INPP4B: variants seen among roughly 807,000 people sequenced by gnomAD.
INPP4B encodes inositol polyphosphate-4-phosphatase type II B, also known as inositol polyphosphate 4-phosphatase type II.
In INPP4B, 55 loss-of-function variants were observed where a neutral mutation model predicts 122.5. The observed-to-expected ratio is 0.45, with a 90% confidence interval of 0.36 to 0.56. The LOEUF (loss-of-function observed/expected upper bound fraction) is 0.56. Ranked by LOEUF, INPP4B falls within the 20% of genes least tolerant of loss-of-function variation. The probability of loss-of-function intolerance (pLI) is 0.00; values close to 1 mark genes in which losing one functional copy is unlikely to be tolerated. For synonymous variants in INPP4B, 403 were observed against 388.7 expected (o/e 1.04, Z -0.43); for missense variants, 1,000 against 1,097.7 (o/e 0.91, Z 1.26).
At chr4:142,276,719 C>A (rs76167230) in intron 9 of INPP4B, among the ~76,000 whole-genome samples, 2 of 151,770 alleles carry the variant, frequency 1.3e-5, no homozygotes, top group Non-Finnish European at 2.9e-5. Context: ...AAGAGCATGA[C>A]GTAGAAATGT....
chr4:142,656,042 AG>A (rs1754064825), intron 2 of INPP4B, among the ~76,000 whole-genome samples: 1 of 152,200 alleles, frequency 6.6e-6, no homozygotes, highest in Admixed American at 6.5e-5. Context: ...GCCAGGTGGG[AG>A]GGGGTCCCTG....
intron 2 of INPP4B, among the ~76,000 whole-genome samples, chr4:142,678,730 A>AT (rs1758164960): frequency 1.3e-5 from 2 of 151,920 alleles, no homozygotes; most frequent in African/African-American, 4.8e-5. Context: ...TGCTAGAAAG[A>AT]TTGTCCTCAA....
chr4:142,735,999 T>C (rs1412588463), intron 1 of INPP4B, among the ~76,000 whole-genome samples: 1 of 151,548 alleles, frequency 6.6e-6, no homozygotes, highest in Non-Finnish European at 1.5e-5. Context: ...GCATTTTAGG[T>C]ATTTTATTAC....
upstream of INPP4B, among the ~76,000 whole-genome samples, chr4:142,846,532 G>C (rs1339198806): frequency 1.3e-5 from 2 of 152,236 alleles, no homozygotes; most frequent in East Asian, 3.9e-4. The surrounding 1 kb of genome is among the most constrained non-coding windows in gnomAD (Gnocchi z 5.1). Flanking sequence ...CTGGCTCTCC[G>C]GCTGCTCACA....
At chr4:142,466,765 G>A (rs1002755274) in intron 2 of INPP4B, among the ~76,000 whole-genome samples, 2 of 152,176 alleles carry the variant, frequency 1.3e-5, no homozygotes, top group Non-Finnish European at 2.9e-5. Flanking sequence ...AGGCCTAGGA[G>A]GAAAGAATAG....
intron 9 of INPP4B, among the ~76,000 whole-genome samples, chr4:142,301,975 T>C (rs948104242): frequency 6.6e-6 from 1 of 152,210 alleles, no homozygotes; most frequent in African/African-American, 2.4e-5. Flanking sequence ...TATTTAACTT[T>C]TATATTCATC....
chr4:142,074,083 G>T (rs1016644917), intron 25 of INPP4B, among the ~76,000 whole-genome samples: 2 of 151,932 alleles, frequency 1.3e-5, no homozygotes, highest in Non-Finnish European at 2.9e-5. Flanking sequence ...GGATGCTCCT[G>T]TCTTATTCCA....
intron 11 of INPP4B, among the ~76,000 whole-genome samples, chr4:142,260,231 G>T (rs981985031): frequency 6.6e-6 from 1 of 152,056 alleles, no homozygotes; most frequent in Non-Finnish European, 1.5e-5. Context: ...TGATCCGCCC[G>T]CCTCGGCCTC....
Position 142,235,913 on chromosome 4 carries a change from G to A in INPP4B, c.836+1951C>T, listed in dbSNP as rs574687654. Among the ~76,000 whole-genome samples the A allele has an allele frequency of 4.9e-4, 75 of 152,250 alleles. 1 individual carries two copies. The highest frequency in any genetic ancestry group is 6.8e-3 in the Middle Eastern group (2 of 294). On this transcript the variant is annotated intron_variant, in intron 12 of 25. Coordinates refer to ENST00000262992, the MANE Select transcript of INPP4B (RefSeq NM_001101669.3). Reference sequence around the variant, plus strand: ...CAAAAATTCATCTTTTCTTTGTGTGGTGAACATCACAATTCTTCTAAGTAT... The same window carrying A: ...CAAAAATTCATCTTTTCTTTGTGTGATGAACATCACAATTCTTCTAAGTAT...
At chr4:142,807,483 T>A (rs1204041072) in intron 1 of INPP4B, among the ~76,000 whole-genome samples, 2 of 152,192 alleles carry the variant, frequency 1.3e-5, no homozygotes, top group African/African-American at 4.8e-5. Flanking sequence ...ATCAAGGGCC[T>A]GGACAGTTTA....
intron 9 of INPP4B, among the ~76,000 whole-genome samples, chr4:142,283,102 A>T (rs1297995901): frequency 6.6e-6 from 1 of 152,082 alleles, no homozygotes; most frequent in Non-Finnish European, 1.5e-5. Flanking sequence ...GAGGAAGAGG[A>T]GATGTATCCG....
At chr4:142,309,880 T>G (rs571782371) in intron 8 of INPP4B, among the ~76,000 whole-genome samples, 2 of 152,316 alleles carry the variant, frequency 1.3e-5, no homozygotes, top group South Asian at 2.1e-4. Context: ...TCAGAATCCC[T>G]GGCCTCTCCC....
intron 2 of INPP4B, among the ~76,000 whole-genome samples, chr4:142,634,222 A>G (rs1580568673): frequency 6.6e-6 from 1 of 152,188 alleles, no homozygotes; most frequent in East Asian, 1.9e-4. Context: ...AAAACTCCAG[A>G]TTTAGATGGC....
intron 2 of INPP4B, among the ~76,000 whole-genome samples, chr4:142,563,599 C>T (rs948943045): frequency 1.3e-5 from 2 of 152,104 alleles, no homozygotes; most frequent in Admixed American, 1.3e-4. Flanking sequence ...CAAAAATGGC[C>T]ATAATACATT....
intron 3 of INPP4B, among the ~76,000 whole-genome samples, chr4:142,445,533 T>A (rs962843284): frequency 3.3e-5 from 5 of 152,170 alleles, no homozygotes; most frequent in African/African-American, 1.2e-4. Flanking sequence ...TAAATGTGAA[T>A]GTACCTAAAA....
chr4:142,732,423 GA>G (rs1766239763), intron 1 of INPP4B, among the ~76,000 whole-genome samples: 1 of 151,888 alleles, frequency 6.6e-6, no homozygotes, highest in Non-Finnish European at 1.5e-5. Flanking sequence ...AATAAATGAT[GA>G]AATACATTTA....
chr4:142,585,856 T>TTATTATTA (rs1736075020), intron 2 of INPP4B, among the ~76,000 whole-genome samples: 1 of 144,802 alleles, frequency 6.9e-6, no homozygotes, highest in Non-Finnish European at 1.5e-5. Context: ...TTTATTATTA[T>TTATTATTA]TATTATTATT....
At chr4:142,749,907 C>A (rs1422050048) in intron 1 of INPP4B, among the ~76,000 whole-genome samples, 1 of 151,696 alleles carries the variant, frequency 6.6e-6, no homozygotes, top group Non-Finnish European at 1.5e-5. Context: ...AAATCAGAGC[C>A]ACACAATAAT....
chr4:142,049,502 T>G (rs1169088470), intron 25 of INPP4B, among the ~76,000 whole-genome samples: 1 of 152,064 alleles, frequency 6.6e-6, no homozygotes, highest in Non-Finnish European at 1.5e-5. Flanking sequence ...AATAGAAATC[T>G]AATACAAATA....
Sources: allele counts gnomAD v4.1 joint callset (sites outside exome capture counted in the v4.1 genomes callset), GRCh38; gene constraint gnomAD v4.1.1; non-coding constraint Gnocchi (gnomAD v3.1); transcripts MANE v1.5; gene names NCBI Gene and HGNC (gene_info 2026-07-23, HGNC 2026-07-21).